The following SUGCT variants were observed in gnomAD, a reference collection of about 807,000 sequenced individuals.
The protein encoded by SUGCT is succinyl-CoA:glutarate-CoA transferase, also known as succinyl-CoA:glutarate CoA-transferase.
SUGCT carries 41 observed loss-of-function variants against 55.0 expected under a neutral mutation model. The ratio of observed to expected loss-of-function variants is 0.74; its 90% confidence interval spans 0.58 to 0.97. The LOEUF (loss-of-function observed/expected upper bound fraction) is 0.97, where lower values mean the gene tolerates loss of function less well. SUGCT is among the 50% of genes least tolerant of loss of function. The probability of loss-of-function intolerance (pLI) is 0.00; values close to 1 mark genes in which losing one functional copy is unlikely to be tolerated. For missense variants in SUGCT, 568 were observed against 547.8 expected, an observed-to-expected ratio of 1.04 and a Z score of -0.37; for synonymous variants, 187 against 200.4, an observed-to-expected ratio of 0.93 and a Z score of 0.56.
the SUGCT span, among the ~76,000 whole-genome samples, chr7:41,026,513 C>T: frequency 6.6e-6 from 1 of 152,172 alleles, no homozygotes; most frequent in African/African-American, 2.4e-5. Flanking sequence ...TGCCTTGATA[C>T]TAATTCTATT....
intron 9 of SUGCT, among the ~76,000 whole-genome samples, chr7:40,337,911 G>A (rs1263258485): frequency 1.3e-5 from 2 of 152,010 alleles, no homozygotes; most frequent in Non-Finnish European, 2.9e-5. Flanking sequence ...CATGTTTAGT[G>A]CTTCATTCAG....
chr7:40,579,767 T>C (rs1347096954), intron 12 of SUGCT, among the ~76,000 whole-genome samples: 1 of 152,154 alleles, frequency 6.6e-6, no homozygotes. Flanking sequence ...GTGAATGACA[T>C]TGCAGAGTCT....
rs139226153 is a variant in SUGCT, at chr7:40,672,904, G to A, written c.1090-76530G>A. ...TTTGATAAATGTATAAATGATAAAT[G>A]TGTTGGTGTGTACCCACCACCACAA... On this transcript the variant is annotated intron_variant, in intron 12 of 13. Transcript: ENST00000335693. Among the ~76,000 whole-genome samples the A allele has an allele frequency of 2.8e-3, 427 of 152,206 alleles. 4 individuals carry two copies. Among genetic ancestry groups the A allele is most frequent in the African/African-American group, 9.4e-3 (391 of 41,530 alleles).
chr7:40,255,258 G>A (rs1790732615), intron 7 of SUGCT, among the ~76,000 whole-genome samples: 1 of 150,206 alleles, frequency 6.7e-6, no homozygotes, highest in Admixed American at 6.7e-5. Flanking sequence ...TCCTGGAAAG[G>A]ATATGTCTTC....
At chr7:40,233,644 C>T (rs904355116) in intron 6 of SUGCT, among the ~76,000 whole-genome samples, 1 of 152,102 alleles carries the variant, frequency 6.6e-6, no homozygotes, top group Non-Finnish European at 1.5e-5. Context: ...ATTTGACATA[C>T]CTCAGGGTAG....
intron 12 of SUGCT, among the ~76,000 whole-genome samples, chr7:40,676,013 A>G (rs4723973): frequency 0.035 from 5,328 of 152,274 alleles, 197 homozygotes; most frequent in East Asian, 0.2. Flanking sequence ...GATAAAAATG[A>G]GTAATACCAA....
chr7:40,809,883 GT>G (rs1205359641), intron 13 of SUGCT, among the ~76,000 whole-genome samples: 3 of 151,996 alleles, frequency 2.0e-5, no homozygotes, highest in Non-Finnish European at 2.9e-5. Context: ...ATGGTATTTG[GT>G]TTTTTTGTCC....
chr7:40,219,886 C>G (rs1787927915), intron 6 of SUGCT, among the ~76,000 whole-genome samples: 1 of 151,788 alleles, frequency 6.6e-6, no homozygotes, highest in Admixed American at 6.6e-5. Context: ...TGTTCACTCC[C>G]TTATAACAAG....
intron 8 of SUGCT, among the ~76,000 whole-genome samples, chr7:40,313,747 G>GT (rs367545331): frequency 0.014 from 2,005 of 140,394 alleles, 37 homozygotes; most frequent in African/African-American, 0.04. Context: ...CCCCCCATCT[G>GT]TTTTTTTTTT....
intron 12 of SUGCT, chr7:40,499,432 G>A (rs1318653446): frequency 1.1e-5 from 2 of 189,732 alleles, no homozygotes; most frequent in South Asian, 1.8e-4. Flanking sequence ...CATGGATTGA[G>A]GTAACTTGAT....
intron 9 of SUGCT, among the ~76,000 whole-genome samples, chr7:40,362,454 C>T (rs80157425): frequency 0.1 from 15,345 of 152,012 alleles, 1,149 homozygotes; most frequent in East Asian, 0.44. Context: ...GTAGTTCAGC[C>T]AACCAACCAA....
intron 12 of SUGCT, among the ~76,000 whole-genome samples, chr7:40,684,494 A>T (rs1784385003): frequency 6.6e-6 from 1 of 152,238 alleles, no homozygotes; most frequent in South Asian, 2.1e-4. Flanking sequence ...TATAATGAAA[A>T]ACAGCATAAC....
At chr7:40,675,861 AG>A (rs1260893589) in intron 12 of SUGCT, among the ~76,000 whole-genome samples, 1 of 152,200 alleles carries the variant, frequency 6.6e-6, no homozygotes. Context: ...TATCATGTCA[AG>A]GAGTTTTGAT....
chr7:40,163,559 C>G (rs970985228), intron 1 of SUGCT, among the ~76,000 whole-genome samples: 1 of 149,754 alleles, frequency 6.7e-6, no homozygotes, highest in African/African-American at 2.5e-5. Flanking sequence ...GAGCTGAGAT[C>G]GCGCCACTGC....
intron 9 of SUGCT, among the ~76,000 whole-genome samples, chr7:40,427,252 G>C (rs1178419802): frequency 3.9e-5 from 6 of 152,182 alleles, no homozygotes; most frequent in Admixed American, 3.9e-4. Context: ...ATGAAAACAA[G>C]TGATAATAAT....
intron 12 of SUGCT, among the ~76,000 whole-genome samples, chr7:40,591,578 A>G (rs561230171): frequency 6.6e-6 from 1 of 152,232 alleles, no homozygotes; most frequent in Non-Finnish European, 1.5e-5. Flanking sequence ...GTAAAATGCT[A>G]TCAAATAGTA....
chr7:40,219,789 C>A (rs994432887), intron 6 of SUGCT, among the ~76,000 whole-genome samples: 2 of 151,980 alleles, frequency 1.3e-5, no homozygotes, highest in Non-Finnish European at 2.9e-5. Context: ...GTAAATAATA[C>A]CTTAAATTAA....
chr7:40,244,291 G>A (rs1256319625), intron 7 of SUGCT, among the ~76,000 whole-genome samples: 1 of 152,188 alleles, frequency 6.6e-6, no homozygotes, highest in African/African-American at 2.4e-5. Context: ...AATGTGGATG[G>A]ATTAAGACAT....
At chr7:40,526,392 T>TTAA (rs1793798787) in intron 12 of SUGCT, among the ~76,000 whole-genome samples, 1 of 152,224 alleles carries the variant, frequency 6.6e-6, no homozygotes, top group Non-Finnish European at 1.5e-5. Flanking sequence ...CAAGGACTTC[T>TTAA]CTACTTGTTA....
Sources: gnomAD v4.1 joint callset for allele counts (sites outside exome capture counted in the v4.1 genomes callset) on GRCh38, gnomAD v4.1.1 for gene constraint, MANE v1.5 for transcripts, NCBI Gene and HGNC (gene_info 2026-07-23, HGNC 2026-07-21) for gene names.